Variants in EXTL3 observed in about 807,000 individuals in gnomAD.
EXTL3 encodes the protein exostosin like glycosyltransferase 3.
A neutral mutation model predicts 69.3 loss-of-function variants in EXTL3; 27 were observed. That is an observed-to-expected ratio of 0.39 (90% CI 0.29 to 0.54). The LOEUF (loss-of-function observed/expected upper bound fraction) is 0.54. EXTL3 is among the 20% of genes least tolerant of loss of function. The probability of loss-of-function intolerance (pLI) is 0.69; values close to 1 mark genes in which losing one functional copy is unlikely to be tolerated. For missense variants in EXTL3, 1,003 were observed against 1,231.8 expected, an observed-to-expected ratio of 0.81 and a Z score of 2.78; for synonymous variants, 511 against 499.4, an observed-to-expected ratio of 1.02 and a Z score of -0.31.
At chr8:28,719,461 T>C (rs1451234417) in intron 3 of EXTL3, among the ~76,000 whole-genome samples, 1 of 152,212 alleles carries the variant, frequency 6.6e-6, no homozygotes, top group Non-Finnish European at 1.5e-5. Context: ...CTCTACATCA[T>C]TTCTGTTTGT....
downstream of EXTL3, among the ~76,000 whole-genome samples, chr8:28,756,352 A>G (rs1475341077): frequency 6.6e-6 from 1 of 152,070 alleles, no homozygotes; most frequent in African/African-American, 2.4e-5. Flanking sequence ...GTGTCCTATA[A>G]TTTCTACTCT....
At chr8:28,679,361 G>T (rs932458860) in intron 1 of EXTL3, among the ~76,000 whole-genome samples, 13 of 152,260 alleles carry the variant, frequency 8.5e-5, no homozygotes, top group African/African-American at 2.6e-4. Context: ...CGGGAGAATC[G>T]CTTGAACCTG....
intron 1 of EXTL3, among the ~76,000 whole-genome samples, chr8:28,661,176 G>C (rs1323615404): frequency 6.6e-6 from 1 of 151,898 alleles, no homozygotes; most frequent in Non-Finnish European, 1.5e-5. Context: ...GCCTCCCAAA[G>C]TGCTGGGATT....
At chr8:28,622,846 G>A in intron 1 of EXTL3, 1 of 152,238 alleles carries the variant, frequency 6.6e-6, no homozygotes, top group South Asian at 2.1e-4. Flanking sequence ...TTCGGGGGTG[G>A]GAAGTCTTTT....
intron 1 of EXTL3, among the ~76,000 whole-genome samples, chr8:28,626,528 A>C (rs1806493942): frequency 6.6e-6 from 1 of 152,194 alleles, no homozygotes. Context: ...GCTTTCTTAG[A>C]CATGATTTCA....
At chr8:28,704,002 G>T (rs1234955034) in intron 1 of EXTL3, among the ~76,000 whole-genome samples, 1 of 152,198 alleles carries the variant, frequency 6.6e-6, no homozygotes, top group African/African-American at 2.4e-5. Context: ...AGGGACAGAG[G>T]TGGGCTCACC....
At chr8:28,681,121 A>G (rs1585248143) in intron 1 of EXTL3, among the ~76,000 whole-genome samples, 1 of 151,382 alleles carries the variant, frequency 6.6e-6, no homozygotes, top group South Asian at 2.1e-4. Flanking sequence ...TGATCCGCCC[A>G]CCTCGGCCTC....
intron 1 of EXTL3, among the ~76,000 whole-genome samples, chr8:28,634,989 G>A (rs1348376998): frequency 6.6e-5 from 10 of 151,978 alleles, no homozygotes; most frequent in East Asian, 1.9e-4. Context: ...TCCTGTTAGC[G>A]ATGACGTTGT....
intron 1 of EXTL3, among the ~76,000 whole-genome samples, chr8:28,642,241 C>G (rs1174674781): frequency 6.6e-6 from 1 of 151,934 alleles, no homozygotes; most frequent in South Asian, 2.1e-4. Context: ...TCCAGGAGTT[C>G]GAGACCAGCC....
intron 4 of EXTL3, among the ~76,000 whole-genome samples, chr8:28,733,557 T>A (rs527454866): frequency 6.6e-6 from 1 of 151,472 alleles, no homozygotes; most frequent in African/African-American, 2.4e-5. Context: ...GGCTAATCTT[T>A]ACATTTTTTT....
intron 1 of EXTL3, among the ~76,000 whole-genome samples, chr8:28,672,794 A>G (rs765846916): frequency 1.3e-5 from 2 of 152,176 alleles, no homozygotes; most frequent in Non-Finnish European, 2.9e-5. Flanking sequence ...TAGAAAGGTA[A>G]CCGATATGGT....
intron 2 of EXTL3, among the ~76,000 whole-genome samples, chr8:28,616,159 T>C (rs186194977): frequency 4.6e-5 from 7 of 152,328 alleles, no homozygotes; most frequent in Admixed American, 2.0e-4. Context: ...TACAGTAAGC[T>C]ACTTTCAGTC....
intron 1 of EXTL3, among the ~76,000 whole-genome samples, chr8:28,707,765 G>A (rs1283738041): frequency 6.6e-6 from 1 of 152,166 alleles, no homozygotes; most frequent in Non-Finnish European, 1.5e-5. Flanking sequence ...ATTCTTAAGT[G>A]GTGAATCTGA....
At chr8:28,723,556 G>A (rs560720797) in intron 3 of EXTL3, among the ~76,000 whole-genome samples, 1 of 151,574 alleles carries the variant, frequency 6.6e-6, no homozygotes, top group South Asian at 2.1e-4. Flanking sequence ...CTAATTCAAA[G>A]TAAGGAATCT....
Position 28,701,599 on chromosome 8 carries a change from G to C in EXTL3, c.-630G>C, listed in dbSNP as rs1200535927. 6.2e-6 allele frequency: 1 copy of C among 162,088 alleles called. No individual in the cohort carries two copies. The highest frequency in any genetic ancestry group is 1.3e-5 in the Non-Finnish European group (1 of 76,162). 10.0% of individuals were successfully genotyped at this position (162,088 alleles called of 1,614,324 possible). A position where few individuals can be genotyped will look rare whatever the true frequency, so the allele number is the denominator to read the frequency against. ...CGGCCGGCAGCCAGAACGGCTTCTG[G>C]GACGCCGACTTTCGCGCAGGCGGCG... On this transcript the variant is annotated 5_prime_UTR_variant, in exon 1 of 7. Transcript: ENST00000220562.
chr8:28,698,895 G>A (rs1422076571), upstream of EXTL3, among the ~76,000 whole-genome samples: 1 of 152,220 alleles, frequency 6.6e-6, no homozygotes, highest in African/African-American at 2.4e-5. Flanking sequence ...TCGGGAGGGT[G>A]GGGCAGGAGA....
At chr8:28,672,264 A>C (rs1807306337) in intron 1 of EXTL3, among the ~76,000 whole-genome samples, 1 of 151,802 alleles carries the variant, frequency 6.6e-6, no homozygotes, top group Non-Finnish European at 1.5e-5. Flanking sequence ...AAAAATACAA[A>C]AAAATTAGCC....
intron 1 of EXTL3, among the ~76,000 whole-genome samples, chr8:28,665,231 T>C (rs1807177705): frequency 6.6e-6 from 1 of 151,236 alleles, no homozygotes; most frequent in Non-Finnish European, 1.5e-5. Context: ...GCCACCACCA[T>C]GCCTGACTCA....
Position 28,737,562 on chromosome 8 carries a change from CG to C in EXTL3, c.2321del (p.Arg774LeufsTer26), listed in dbSNP as rs780703404. The C allele has an allele frequency of 6.2e-7, 1 of 1,614,040 alleles. No homozygotes were observed. Among genetic ancestry groups the C allele is most frequent in the Non-Finnish European group, 8.5e-7 (1 of 1,179,890 alleles). ...GGACCGCATCGTGGGCTTCCCTGGC[CG>C]TTACCACGCATGGGACATCCCCCAT... ...ARDRIVGFPG[R>X]YHAWDIPHQS... On this transcript the variant is annotated frameshift_variant, in exon 5 of 7. Coordinates refer to ENST00000220562, the MANE Select transcript of EXTL3 (RefSeq NM_001440.4). LOFTEE classifies it high-confidence loss of function.
Sources: allele counts gnomAD v4.1 joint callset (sites outside exome capture counted in the v4.1 genomes callset), GRCh38; gene constraint gnomAD v4.1.1; transcripts MANE v1.5; gene names NCBI Gene and HGNC (gene_info 2026-07-23, HGNC 2026-07-21).